WASF3: variants seen among roughly 807,000 people sequenced by gnomAD.
WASF3 encodes the protein actin-binding protein WASF3.
WASF3 carries 11 observed loss-of-function variants against 46.6 expected under a neutral mutation model. The ratio of observed to expected loss-of-function variants is 0.24; its 90% CI spans 0.15 to 0.39. The LOEUF is 0.39. Ranked by LOEUF, WASF3 falls within the 10% of genes least tolerant of loss-of-function variation. The pLI, the probability that WASF3 is intolerant of heterozygous loss-of-function variation, is 1.00. For synonymous variants in WASF3, 242 were observed against 259.7 expected (o/e 0.93, Z 0.65); for missense variants, 576 against 669.8 (o/e 0.86, Z 1.55).
rs560903505 is a variant in WASF3, at chr13:26,592,312, T to A, written c.-108-20649T>A. The stretch of plus-strand genomic sequence containing the variant: ...ATTTTTGTTTTTTTGCGGGAGTGAA[T>A]CTGTTTTATTTATGAATTTTATGGT... On this transcript the variant is annotated intron_variant, in intron 1 of 9. Transcript: ENST00000335327. Among the ~76,000 whole-genome samples the A allele has an allele frequency of 9.5e-4, 144 of 152,292 alleles. 1 individual carries two copies. The highest frequency in any genetic ancestry group is 3.4e-3 in the African/African-American group (140 of 41,562).
chr13:26,666,216 G>T (rs1484497322), intron 4 of WASF3, among the ~76,000 whole-genome samples: 2 of 152,148 alleles, frequency 1.3e-5, no homozygotes, highest in Non-Finnish European at 2.9e-5. Flanking sequence ...GTCTGTTCAG[G>T]TAAGGAATTC....
At chr13:26,614,070 C>T (rs1424198510) in intron 2 of WASF3, among the ~76,000 whole-genome samples, 2 of 152,032 alleles carry the variant, frequency 1.3e-5, no homozygotes, top group Non-Finnish European at 2.9e-5. Context: ...TTTTCCTTTT[C>T]TTTCTTTCTT....
intron 1 of WASF3, among the ~76,000 whole-genome samples, chr13:26,597,924 A>G (rs1880524708): frequency 6.6e-6 from 1 of 152,178 alleles, no homozygotes; most frequent in Admixed American, 6.5e-5. Context: ...CGCAATAAAC[A>G]TACGTGTGCA....
intron 1 of WASF3, among the ~76,000 whole-genome samples, chr13:26,569,551 G>A (rs936964503): frequency 2.6e-5 from 4 of 152,104 alleles, no homozygotes; most frequent in African/African-American, 9.7e-5. Flanking sequence ...TTTGTGAGGT[G>A]CAGCTAAAGT....
intron 1 of WASF3, among the ~76,000 whole-genome samples, chr13:26,563,334 C>T (rs897131496): frequency 6.6e-6 from 1 of 151,922 alleles, no homozygotes; most frequent in Non-Finnish European, 1.5e-5. Flanking sequence ...TGTTGCACCG[C>T]CCCCGATGTC....
chr13:26,677,425 T>G (rs1883099367), intron 7 of WASF3, among the ~76,000 whole-genome samples: 1 of 152,256 alleles, frequency 6.6e-6, no homozygotes, highest in Non-Finnish European at 1.5e-5. Flanking sequence ...AGTCTTCCAT[T>G]TGCATAAACT....
the WASF3 span, among the ~76,000 whole-genome samples, chr13:26,546,652 T>C: frequency 6.6e-5 from 10 of 152,182 alleles, no homozygotes; most frequent in African/African-American, 2.2e-4. Context: ...GCGGAGGTTG[T>C]GGTGAGCCGA....
chr13:26,670,061 G>A (rs1167474908), intron 5 of WASF3, among the ~76,000 whole-genome samples: 7 of 152,174 alleles, frequency 4.6e-5, no homozygotes, highest in Non-Finnish European at 1.0e-4. Context: ...GCACACGTAT[G>A]TTTATTGCAG....
At chr13:26,612,396 T>C (rs1174852116) in intron 1 of WASF3, among the ~76,000 whole-genome samples, 1 of 152,250 alleles carries the variant, frequency 6.6e-6, no homozygotes, top group Non-Finnish European at 1.5e-5. Flanking sequence ...GTTTGCTCTG[T>C]AGCATTGCTG....
Position 26,672,079 on chromosome 13 carries a change from T to G in WASF3, c.540+90T>G, listed in dbSNP as rs1276045. The G allele has an allele frequency of 8.6e-6, 9 of 1,042,688 alleles. No homozygotes were observed. The African/African-American group carries it at 1.5e-4, about 17-fold the overall frequency. 64.6% of individuals were successfully genotyped at this position (1,042,688 alleles called of 1,614,324 possible). On this transcript the variant is annotated intron_variant, in intron 6 of 9. Transcript: ENST00000335327. Reference sequence around the variant, plus strand: ...GTAAATTATTTAAATGGTTGAGATATTGGATATAGTGCTGAAGTTTTTTTA... The same window carrying G: ...GTAAATTATTTAAATGGTTGAGATAGTGGATATAGTGCTGAAGTTTTTTTA...
intron 2 of WASF3, among the ~76,000 whole-genome samples, chr13:26,629,998 A>G (rs1349371321): frequency 2.0e-5 from 3 of 151,536 alleles, no homozygotes; most frequent in Non-Finnish European, 2.9e-5. Context: ...TTTTTCTTTT[A>G]TTTTTATTTA....
At chr13:26,653,331 GATC>G (rs760956270) in intron 3 of WASF3, among the ~76,000 whole-genome samples, 3 of 152,110 alleles carry the variant, frequency 2.0e-5, no homozygotes, top group Non-Finnish European at 4.4e-5. Context: ...GTAAATTTCA[GATC>G]ATCCTCTCCC....
chr13:26,680,136 G>C (rs747426515), intron 7 of WASF3: 2 of 1,597,930 alleles, frequency 1.3e-6, no homozygotes, highest in South Asian at 2.2e-5. Context: ...TGGGCATTGA[G>C]TTTATGAGTG....
At chr13:26,630,285 T>A (rs577420186) in intron 2 of WASF3, among the ~76,000 whole-genome samples, 1 of 152,242 alleles carries the variant, frequency 6.6e-6, no homozygotes, top group Admixed American at 6.5e-5. Context: ...CATTAGGTAT[T>A]TCTCCTAATG....
At chr13:26,620,623 C>A (rs1333555751) in intron 2 of WASF3, 1 of 152,100 alleles carries the variant, frequency 6.6e-6, no homozygotes, top group African/African-American at 2.4e-5. Context: ...TTCACAGGCT[C>A]CCACACCACT....
chr13:26,587,800 TGAA>T (rs1880175440), intron 1 of WASF3, among the ~76,000 whole-genome samples: 1 of 152,162 alleles, frequency 6.6e-6, no homozygotes, highest in South Asian at 2.1e-4. Context: ...ATGGAACAAA[TGAA>T]GAGGAAAAAT....
intron 1 of WASF3, among the ~76,000 whole-genome samples, chr13:26,575,852 T>C (rs1230160049): frequency 1.3e-5 from 2 of 152,226 alleles, no homozygotes; most frequent in Non-Finnish European, 2.9e-5. Flanking sequence ...TCTTTTAGCA[T>C]GGAGGCCTCG....
chr13:26,548,192 A>T, the WASF3 span, among the ~76,000 whole-genome samples: 2 of 152,196 alleles, frequency 1.3e-5, no homozygotes, highest in Non-Finnish European at 2.9e-5. Flanking sequence ...TTTCCTTAGC[A>T]TTCAGCATAA....
At chr13:26,665,351 G>A (rs1392930385) in intron 4 of WASF3, among the ~76,000 whole-genome samples, 189 bp downstream of exon 4, 1 of 152,266 alleles carries the variant, frequency 6.6e-6, no homozygotes, top group East Asian at 1.9e-4. Context: ...TTCATATGTG[G>A]TCTACCTCAT....
Sources: allele counts gnomAD v4.1 joint callset (sites outside exome capture counted in the v4.1 genomes callset), GRCh38; gene constraint gnomAD v4.1.1; transcripts MANE v1.5; gene names NCBI Gene and HGNC (gene_info 2026-07-23, HGNC 2026-07-21).